The following ADAM18 variants were observed in gnomAD, a reference collection of about 807,000 sequenced individuals.
The protein encoded by ADAM18 is disintegrin and metalloproteinase domain-containing protein 18.
A neutral mutation model predicts 94.4 loss-of-function variants in ADAM18; 117 were observed. The ratio of observed to expected loss-of-function variants is 1.24; its 90% CI spans 1.07 to 1.45. The LOEUF is 1.45. Ranked by LOEUF, ADAM18 falls within the 40% of genes most tolerant of loss-of-function variation. ADAM18 has a pLI of 0.00. For synonymous variants in ADAM18, 327 were observed against 291.6 expected (o/e 1.12, Z -1.24); for missense variants, 936 against 880.0 (o/e 1.06, Z -0.81).
intron 14 of ADAM18, among the ~76,000 whole-genome samples, chr8:39,673,705 T>C (rs1429074790): frequency 6.6e-6 from 1 of 152,224 alleles, no homozygotes. Context: ...GTTCTTTTAA[T>C]TGTGATGTTA....
At chr8:39,702,471 G>A (rs564871642) in intron 17 of ADAM18, among the ~76,000 whole-genome samples, 2 of 152,166 alleles carry the variant, frequency 1.3e-5, no homozygotes, top group Admixed American at 6.5e-5. Flanking sequence ...TTCTTTTGCT[G>A]TATGGAAGCT....
intron 12 of ADAM18, among the ~76,000 whole-genome samples, chr8:39,649,720 C>G (rs1436313239): frequency 1.3e-5 from 2 of 152,056 alleles, no homozygotes; most frequent in Non-Finnish European, 2.9e-5. Flanking sequence ...TTCCTGTTAC[C>G]TCAGTGGTAT....
At chr8:39,662,552 A>G (rs1820869315) in intron 12 of ADAM18, among the ~76,000 whole-genome samples, 2 of 152,330 alleles carry the variant, frequency 1.3e-5, no homozygotes, top group Non-Finnish European at 2.9e-5. Context: ...ATATAAAAAT[A>G]TGGTGTAAAT....
intron 17 of ADAM18, among the ~76,000 whole-genome samples, chr8:39,704,754 T>G (rs1251107238): frequency 2.6e-5 from 4 of 152,156 alleles, no homozygotes; most frequent in Non-Finnish European, 5.9e-5. Flanking sequence ...ACCTTAAACC[T>G]CTAACATTTG....
intron 13 of ADAM18, among the ~76,000 whole-genome samples, chr8:39,666,429 G>A: frequency 6.6e-6 from 1 of 152,072 alleles, no homozygotes; most frequent in Non-Finnish European, 1.5e-5. Flanking sequence ...AGTTGAAAAA[G>A]TTGTTTTTAA....
chr8:39,688,082 C>T (rs1012004780), intron 16 of ADAM18, among the ~76,000 whole-genome samples: 2 of 152,102 alleles, frequency 1.3e-5, no homozygotes, highest in Non-Finnish European at 2.9e-5. Flanking sequence ...TTTACATTTC[C>T]ACCAGCAGTT....
chr8:39,677,091 T>C (rs1821321502), intron 14 of ADAM18, among the ~76,000 whole-genome samples: 1 of 152,202 alleles, frequency 6.6e-6, no homozygotes, highest in African/African-American at 2.4e-5. Context: ...GAGGTTTCTG[T>C]CCATAAGTGA....
intron 11 of ADAM18, 60 bp downstream of exon 11, chr8:39,645,534 A>C: frequency 6.6e-7 from 1 of 1,509,686 alleles, no homozygotes; most frequent in Non-Finnish European, 8.9e-7. Context: ...CCAAAATGTG[A>C]TAATGTTTTT....
chr8:39,677,498 T>G lies in ADAM18; in HGVS notation c.1593T>G (p.Cys531Trp), dbSNP rs770358017. 3.1e-6 allele frequency: 5 copies of G among 1,610,896 alleles called. No individual in the cohort carries two copies. The South Asian group carries it at 5.5e-5, about 18-fold the overall frequency. Residue 531 changes from cysteine (C) to tryptophan (W), a missense_variant, in exon 15 of 20, where the codon TGT becomes TGG. Cys to Trp is a radical substitution (Grantham distance 215). Transcript: ENST00000265707. ...CTCTGCATGAAAGATCTGAAAACTG[T>G]GGTTTTAAAAATTCACAACCATTAC... ...VNSLHERSEN[C>W]GFKNSQPLPC...
intron 7 of ADAM18, among the ~76,000 whole-genome samples, chr8:39,634,235 A>G (rs1391423464): frequency 6.6e-6 from 1 of 152,000 alleles, no homozygotes; most frequent in Non-Finnish European, 1.5e-5. Flanking sequence ...GGCTGTGTCC[A>G]CCTGGTGCTA....
chr8:39,615,080 C>T (rs1171591534), intron 6 of ADAM18, among the ~76,000 whole-genome samples: 1 of 151,970 alleles, frequency 6.6e-6, no homozygotes, highest in African/African-American at 2.4e-5. Flanking sequence ...TATCTGGGAC[C>T]TAAACTCAGC....
At chr8:39,703,735 GAC>G (rs1280682092) in intron 17 of ADAM18, among the ~76,000 whole-genome samples, 3 of 151,812 alleles carry the variant, frequency 2.0e-5, no homozygotes, top group African/African-American at 7.3e-5. Context: ...AGGAAATTGA[GAC>G]ACACACAAAA....
intron 17 of ADAM18, 87 bp from the exon 18 acceptor site, chr8:39,706,703 T>G (rs761738830): frequency 1.8e-6 from 1 of 565,790 alleles, no homozygotes; most frequent in Non-Finnish European, 3.1e-6. Flanking sequence ...TTCTATGAAA[T>G]TTAGTTATTT....
chr8:39,684,199 A>G (rs2129580654), intron 16 of ADAM18, among the ~76,000 whole-genome samples: 1 of 152,240 alleles, frequency 6.6e-6, no homozygotes, highest in South Asian at 2.1e-4. Flanking sequence ...GAGTTTAGAG[A>G]TAATTATACA....
chr8:39,700,797 T>A (rs1397193503), intron 17 of ADAM18, among the ~76,000 whole-genome samples: 1 of 152,084 alleles, frequency 6.6e-6, no homozygotes, highest in Non-Finnish European at 1.5e-5. Context: ...AGACTTAGAA[T>A]AATTGATTAT....
intron 17 of ADAM18, among the ~76,000 whole-genome samples, chr8:39,693,637 A>G (rs1397698026): frequency 6.6e-6 from 1 of 151,018 alleles, no homozygotes; most frequent in Non-Finnish European, 1.5e-5. Flanking sequence ...TGTTTTCTTA[A>G]TATATTATTA....
At chr8:39,725,237 T>C (rs1822870212) in intron 19 of ADAM18, among the ~76,000 whole-genome samples, 1 of 152,076 alleles carries the variant, frequency 6.6e-6, no homozygotes, top group African/African-American at 2.4e-5. Flanking sequence ...TTGATGAGTT[T>C]GGAAATAAGT....
intron 12 of ADAM18, among the ~76,000 whole-genome samples, chr8:39,658,697 C>A (rs191920568): frequency 2.2e-4 from 34 of 152,252 alleles, no homozygotes; most frequent in Non-Finnish European, 4.3e-4. Flanking sequence ...AGGAAAAAAA[C>A]ACAGTTACAC....
intron 19 of ADAM18, among the ~76,000 whole-genome samples, chr8:39,728,671 G>A (rs1268568912): frequency 6.6e-6 from 1 of 152,044 alleles, no homozygotes; most frequent in Non-Finnish European, 1.5e-5. Context: ...TTGGCTATTT[G>A]GAAGTTATTT....
Sources: allele counts gnomAD v4.1 joint callset (sites outside exome capture counted in the v4.1 genomes callset), GRCh38; gene constraint gnomAD v4.1.1; transcripts MANE v1.5; gene names NCBI Gene and HGNC (gene_info 2026-07-23, HGNC 2026-07-21).